PLA2G4F: variants seen among roughly 807,000 people sequenced by gnomAD.
PLA2G4F encodes the protein phospholipase A2 group IVF.
In PLA2G4F, 105 loss-of-function variants were observed where a neutral mutation model predicts 103.1. The observed-to-expected ratio is 1.02, with a 90% CI of 0.87 to 1.20. The LOEUF is 1.20. PLA2G4F is among the 50% of genes most tolerant of loss of function. The pLI is 0.00. For missense variants in PLA2G4F, 1,155 were observed against 1,075.9 expected, an observed-to-expected ratio of 1.07 and a Z score of -1.03; for synonymous variants, 468 against 441.1, an observed-to-expected ratio of 1.06 and a Z score of -0.76.
Position 42,153,633 on chromosome 15 carries a change from C to A in PLA2G4F, c.478G>T (p.Val160Phe), listed in dbSNP as rs750210228. ...ACCAGAACTCACCTCTTCTCCAGAACAAATTCCACCTGCAGCTCTTGTGAA... is the reference window on the plus strand; with the variant it reads ...ACCAGAACTCACCTCTTCTCCAGAAAAAATTCCACCTGCAGCTCTTGTGAA... ...QDSQELQVEF[V>F]LEKSQVPASE... is the part of the protein sequence containing the mutation. Residue 160 changes from valine (V) to phenylalanine (F), a missense_variant, in exon 5 of 20, where the codon GTT (valine) becomes TTT (phenylalanine). Around this residue, in one of 3 missense-constraint regions of PLA2G4F, gnomAD observed 370 missense variants for 364.9 expected, o/e 1.01. Transcript: ENST00000397272. 1 of 1,614,200 alleles carries A rather than the reference C, an allele frequency of 6.2e-7. No individual in the cohort carries two copies. The highest frequency in any genetic ancestry group is 1.1e-5 in the South Asian group (1 of 91,080).
chr15:42,146,841 AG>A (rs2048891353), intron 13 of PLA2G4F: 1 of 381,758 alleles, frequency 2.6e-6, no homozygotes, highest in Non-Finnish European at 4.8e-6. Flanking sequence ...TCTCTCTGGA[AG>A]GGGGGCCGAG....
intron 8 of PLA2G4F, 47 bp downstream of exon 8, chr15:42,150,561 A>G (rs753856340): frequency 1.1e-5 from 18 of 1,596,610 alleles, no homozygotes; most frequent in Non-Finnish European, 1.5e-5. Context: ...CTGGAACGCC[A>G]GTCTGGGCTG....
In PLA2G4F at chr15:42,148,999, G is replaced by T. The variant is rs190040563; in HGVS notation, c.1059+714C>A. 7 of 985,362 alleles carry T rather than the reference G, an allele frequency of 7.1e-6. No individual in the cohort carries two copies. In the Admixed American group the frequency reaches 3.7e-4, roughly 52 times the overall value. The allele number at this position is 985,362 out of a possible 1,614,324, so 61.0% of individuals were successfully genotyped here. On this transcript the variant is annotated intron_variant, in intron 11 of 19. Coordinates refer to ENST00000397272, the MANE Select transcript of PLA2G4F (RefSeq NM_213600.4). ...ATAGCGTCTCCTGAGGACTCAGGCA[G>T]CCTGGAGGAAGCCGGCAGCCTATTC...
At position 42,149,854 on chromosome 15, in the gene PLA2G4F, T is replaced by A. The variant is rs1177031912; in HGVS notation, c.924-6A>T. ...GTAGGTCTAGGTCCCCGGAGCTGCC[T>A]CAAGTAGGGTGGGGTGGCGGTGGGG... On this transcript the variant is annotated splice_region_variant and splice_polypyrimidine_tract_variant and intron_variant, in intron 10 of 19. Coordinates refer to ENST00000397272, the MANE Select transcript of PLA2G4F (RefSeq NM_213600.4). The A allele has an allele frequency of 6.2e-7, 1 of 1,613,686 alleles. No homozygotes were observed. The highest frequency in any genetic ancestry group is 1.1e-5 in the South Asian group (1 of 91,072).
In PLA2G4F at chr15:42,147,295, C is replaced by G; in HGVS notation, c.1248G>C (p.Gln416His). ...RDPAWSQVAL[Q>H]GPIERAQVHV... is the part of the protein sequence containing the mutation. ...GAACCTGGGCACGCTCAATGGGGCC[C>G]TGCAAGGCCACCTGGGACCAGGCTG... is the stretch of plus-strand genomic sequence containing the variant. The change falls in exon 13 of 20, where the codon CAG (glutamine) becomes CAC (histidine). Residue 416 changes from glutamine (Q) to histidine (H), a missense_variant. This residue lies in a region of PLA2G4F where 782 missense variants were observed against 692.9 expected (regional missense o/e 1.13). Transcript: ENST00000397272. 6.2e-7 allele frequency: 1 copy of G among 1,610,702 alleles called. No homozygotes were observed. The highest frequency in any genetic ancestry group is 8.5e-7 in the Non-Finnish European group (1 of 1,179,966).
intron 2 of PLA2G4F, 80 bp downstream of exon 2, chr15:42,155,437 C>G (rs1401868234): frequency 2.1e-6 from 3 of 1,448,264 alleles, no homozygotes; most frequent in Non-Finnish European, 2.9e-6. Flanking sequence ...CACACACACT[C>G]TCTGTTAGCC....
chr15:42,144,555 C>T lies in PLA2G4F; in HGVS notation c.1870G>A (p.Asp624Asn), dbSNP rs751152468. 8 of 1,613,132 alleles carry T rather than the reference C, an allele frequency of 5.0e-6. No individual in the cohort carries two copies. In the East Asian group the frequency reaches 1.8e-4, roughly 36 times the overall value. Residue 624 changes from aspartate (D) to asparagine (N), a missense_variant, in exon 17 of 20, where the codon GAC (aspartate) becomes AAC (asparagine). Coordinates refer to ENST00000397272, the MANE Select transcript of PLA2G4F (RefSeq NM_213600.4). ...PQGPFSQAVL[D>N]IFTSRFTSAQ... The stretch of plus-strand genomic sequence containing the variant: ...GAAGTGAAGCGGGAGGTGAATATGT[C>T]CAGCACAGCCTGGGAGAAGGGCCCC...
In PLA2G4F at chr15:42,140,358, TCTGAG is replaced by T. The variant is rs1275389168; in HGVS notation, c.*1621_*1625del. ...TTCTAAGTTGTGAACGCTGTGCAGT[TCTGAG>T]CTGTGAACCCTATGAAGGTTTTACT... is the stretch of plus-strand genomic sequence containing the variant. On this transcript the variant is annotated 3_prime_UTR_variant, in exon 20 of 20. Coordinates refer to ENST00000397272, the MANE Select transcript of PLA2G4F (RefSeq NM_213600.4). The T allele has an allele frequency of 6.6e-6, 1 of 152,224 alleles. No homozygotes were observed. The highest frequency in any genetic ancestry group is 1.5e-5 in the Non-Finnish European group (1 of 68,056). 9.4% of individuals were successfully genotyped at this position (152,224 alleles called of 1,614,324 possible). A position where few individuals can be genotyped will look rare whatever the true frequency, so the allele number is the denominator to read the frequency against.
At position 42,145,561 on chromosome 15, in the gene PLA2G4F, G is replaced by T. The variant is rs1246826201; in HGVS notation, c.1780+14C>A. ...GAATGTGGTGTGGGAGGGGCTCGGGGTCGCTACCCTCACCTGTGATATTCA... is the reference window on the plus strand; with the variant it reads ...GAATGTGGTGTGGGAGGGGCTCGGGTTCGCTACCCTCACCTGTGATATTCA... On this transcript the variant is annotated intron_variant, in intron 16 of 19. Transcript: ENST00000397272. The T allele has an allele frequency of 2.5e-6, 4 of 1,611,230 alleles. No individual in the cohort carries two copies. Among genetic ancestry groups the T allele is most frequent in the Non-Finnish European group, 3.4e-6 (4 of 1,177,572 alleles).
At position 42,139,063 on chromosome 15, in the gene PLA2G4F, C is replaced by T. The variant is rs2048808506; in HGVS notation, c.*2921G>A. 1 of 152,234 alleles carries T rather than the reference C, an allele frequency of 6.6e-6. No individual in the cohort carries two copies. The highest frequency in any genetic ancestry group is 1.5e-5 in the Non-Finnish European group (1 of 68,048). 9.4% of individuals were successfully genotyped at this position (152,234 alleles called of 1,614,324 possible). A position where few individuals can be genotyped will look rare whatever the true frequency, so the allele number is the denominator to read the frequency against. On this transcript the variant is annotated 3_prime_UTR_variant, in exon 20 of 20. Transcript: ENST00000397272. ...GTGTAAGAGCAGCTAGGGGACTGCC[C>T]AGCTCAAGTGGCCAAAGTGCAGCCC...
At chr15:42,149,312 A>G in intron 11 of PLA2G4F, 2 of 572,388 alleles carry the variant, frequency 3.5e-6, no homozygotes, top group East Asian at 1.4e-4. Flanking sequence ...AGGAGACCCC[A>G]AGGCGCACGC....
intron 16 of PLA2G4F, among the ~76,000 whole-genome samples, 160 bp downstream of exon 16, chr15:42,145,415 G>A (rs1479172238): frequency 6.6e-6 from 1 of 152,088 alleles, no homozygotes; most frequent in Non-Finnish European, 1.5e-5. Flanking sequence ...ATACCTCTGG[G>A]CATCTAGACA....
chr15:42,144,751 A>ATCCCTCCTCCTCCCTGACCCCACC, intron 16 of PLA2G4F, 107 bp from the exon 17 acceptor site: 4 of 1,166,484 alleles, frequency 3.4e-6, no homozygotes, highest in Non-Finnish European at 4.6e-6. Flanking sequence ...CCCTCCCCAC[A>ATCCCTCCTCCTCCCTGACCCCACC]TCCCTCCTCC....
At chr15:42,154,734 G>A (rs1381844241) in intron 2 of PLA2G4F, among the ~76,000 whole-genome samples, 1 of 152,084 alleles carries the variant, frequency 6.6e-6, no homozygotes, top group Non-Finnish European at 1.5e-5. Context: ...CCTGATTCAG[G>A]CAGTAAAATC....
At position 42,150,244 on chromosome 15, in the gene PLA2G4F, G is replaced by A. The variant is rs1404931106; in HGVS notation, c.886-103C>T. 9 of 1,562,716 alleles carry A rather than the reference G, an allele frequency of 5.8e-6. No homozygotes were observed. The Admixed American group carries it at 6.9e-5, about 12-fold the overall frequency. On this transcript the variant is annotated intron_variant, in intron 9 of 19. Transcript: ENST00000397272. ...CTTGCTGCCCTGCGATCTCTGGCCC[G>A]ATGTGGACATCATAACTGACCTCTG...
In PLA2G4F at chr15:42,147,610, C is replaced by T. The variant is rs773441371; in HGVS notation, c.1196+16G>A. 3.1e-6 allele frequency: 5 copies of T among 1,613,384 alleles called. No homozygotes were observed. In the East Asian group the frequency reaches 8.9e-5, roughly 29 times the overall value. ...GGGGTCTCCTTTACCCTGTGCCCTG[C>T]CCCCACCTCACTTACCAGGTAGACC... On this transcript the variant is annotated intron_variant, in intron 12 of 19. Transcript: ENST00000397272.
rs761188405 is a variant in PLA2G4F, at chr15:42,146,180, G to A, written c.1481C>T (p.Pro494Leu). The stretch of plus-strand genomic sequence containing the variant: ...GCGGACGTTGACACTGGTGTAAATG[G>A]GGTAAGGGTTCTGACCCTGGCGGAC... The part of the protein sequence containing the change: ...EAVRQGQNPY[P>L]IYTSVNVRTN... The change falls in exon 14 of 20, where the codon CCC (proline) becomes CTC (leucine). Residue 494 changes from proline to leucine, a missense_variant. Physicochemically the swap from Pro to Leu is moderately conservative, Grantham distance 98. This residue lies in a region of PLA2G4F where 782 missense variants were observed against 692.9 expected (regional missense o/e 1.13). Transcript: ENST00000397272. 3 of 1,614,254 alleles carry A rather than the reference G, an allele frequency of 1.9e-6. No individual in the cohort carries two copies. Among genetic ancestry groups the A allele is most frequent in the Non-Finnish European group, 2.5e-6 (3 of 1,180,052 alleles).
chr15:42,152,653 A>G, intron 7 of PLA2G4F, 35 bp downstream of exon 7: 1 of 1,551,076 alleles, frequency 6.4e-7, no homozygotes, highest in Non-Finnish European at 8.7e-7. Context: ...CCCGGGAGAG[A>G]AGGCAAAAGA....
intron 4 of PLA2G4F, among the ~76,000 whole-genome samples, 190 bp downstream of exon 4, chr15:42,153,902 A>C (rs1000073465): frequency 2.3e-4 from 35 of 152,202 alleles, no homozygotes; most frequent in African/African-American, 8.2e-4. Flanking sequence ...ACAGCCCTCA[A>C]GGAGCTCATA....
Sources: allele counts gnomAD v4.1 joint callset (sites outside exome capture counted in the v4.1 genomes callset), GRCh38; gene constraint gnomAD v4.1.1; regional missense constraint gnomAD v4.1.1; transcripts MANE v1.5; gene names NCBI Gene and HGNC (gene_info 2026-07-23, HGNC 2026-07-21).